The following DCAF6 variants were observed in gnomAD, a reference collection of about 807,000 sequenced individuals.
DCAF6 encodes the protein DDB1 and CUL4 associated factor 6, also known as DDB1- and CUL4-associated factor 6.
In DCAF6, 54 loss-of-function variants were observed where a neutral mutation model predicts 125.1. The ratio of observed to expected loss-of-function variants is 0.43; its 90% confidence interval spans 0.35 to 0.54. The LOEUF (loss-of-function observed/expected upper bound fraction) is 0.54. Ranked by LOEUF, DCAF6 falls within the 20% of genes least tolerant of loss-of-function variation. The pLI, the probability that DCAF6 is intolerant of heterozygous loss-of-function variation, is 0.01. For missense variants in DCAF6, 934 were observed against 1,161.7 expected (o/e 0.80, Z 2.85); for synonymous variants, 371 against 390.4 (o/e 0.95, Z 0.58).
chr1:167,916,396 G>A, the DCAF6 span, among the ~76,000 whole-genome samples: 11,228 of 152,108 alleles, frequency 0.074, 536 homozygotes, highest in Middle Eastern at 0.11. Context: ...TAGTAGAGAC[G>A]GGGTTTTACC....
chr1:167,969,551 A>T (rs1676979267), intron 3 of DCAF6, among the ~76,000 whole-genome samples: 1 of 152,228 alleles, frequency 6.6e-6, no homozygotes, highest in South Asian at 2.1e-4. Context: ...AGTTTTACAG[A>T]ATAAATTGTT....
chr1:167,983,641 T>C (rs1679524858), intron 4 of DCAF6, among the ~76,000 whole-genome samples: 1 of 152,368 alleles, frequency 6.6e-6, no homozygotes, highest in South Asian at 2.1e-4. Context: ...TTCTTTGGCA[T>C]GTGCACATTC....
chr1:167,975,405 G>T (rs12059592), intron 4 of DCAF6, among the ~76,000 whole-genome samples: 21,142 of 152,068 alleles, frequency 0.14, 1,957 homozygotes, highest in African/African-American at 0.26. Context: ...AATTTTTGTA[G>T]GATAGAAGGG....
the DCAF6 span, among the ~76,000 whole-genome samples, chr1:167,869,099 A>G: frequency 1.3e-5 from 2 of 152,266 alleles, no homozygotes; most frequent in East Asian, 3.8e-4. Flanking sequence ...AGTTAAAAAC[A>G]TGACAAAACT....
chr1:167,964,241 A>G lies in DCAF6; in HGVS notation c.160-2388A>G, dbSNP rs1004732198. On this transcript the variant is annotated intron_variant, in intron 2 of 21. Coordinates refer to ENST00000367840, the MANE Select transcript of DCAF6 (RefSeq NM_001198956.2). Reference sequence around the variant, plus strand: ...TTCTTGCAAAGTAGGTCTGCTGGCAACAAATTCCCTCAATGTTAATTTATC... The same window carrying G: ...TTCTTGCAAAGTAGGTCTGCTGGCAGCAAATTCCCTCAATGTTAATTTATC... 4.6e-5 allele frequency among the ~76,000 whole-genome samples: 7 copies of G among 152,308 alleles called. No individual in the cohort carries two copies. In the East Asian group the frequency reaches 5.8e-4, roughly 13 times the overall value.
the DCAF6 span, among the ~76,000 whole-genome samples, chr1:167,871,718 G>A: frequency 2.0e-5 from 3 of 152,324 alleles, no homozygotes; most frequent in Non-Finnish European, 4.4e-5. Context: ...TTCAAGTGTA[G>A]ACATTTAATA....
intron 10 of DCAF6, among the ~76,000 whole-genome samples, chr1:168,013,656 TC>T (rs1684586168): frequency 6.6e-6 from 1 of 152,152 alleles, no homozygotes; most frequent in African/African-American, 2.4e-5. Flanking sequence ...TTTTTAAGCA[TC>T]ATCTTTCTCT....
At chr1:167,980,783 T>C (rs1291238016) in intron 4 of DCAF6, among the ~76,000 whole-genome samples, 2 of 152,174 alleles carry the variant, frequency 1.3e-5, no homozygotes, top group Non-Finnish European at 2.9e-5. Context: ...ACCCGTTCCA[T>C]GGATTGTCTT....
At chr1:167,873,501 G>A in the DCAF6 span, among the ~76,000 whole-genome samples, 3 of 152,114 alleles carry the variant, frequency 2.0e-5, no homozygotes, top group South Asian at 6.2e-4. Flanking sequence ...AAGACTTTTG[G>A]GGATGTTCGT....
chr1:167,999,412 T>C (rs1344427788), intron 7 of DCAF6, among the ~76,000 whole-genome samples: 1 of 152,192 alleles, frequency 6.6e-6, no homozygotes, highest in Non-Finnish European at 1.5e-5. Context: ...AGAACCAGCA[T>C]GTCCTTCGAA....
chr1:167,908,396 G>A, the DCAF6 span, among the ~76,000 whole-genome samples: 2 of 152,142 alleles, frequency 1.3e-5, no homozygotes, highest in South Asian at 4.1e-4. Flanking sequence ...GCCTGAGGCT[G>A]GGGTTGGGTG....
intron 2 of DCAF6, 131 bp from the exon 3 acceptor site, chr1:167,966,498 C>A: frequency 3.1e-6 from 2 of 651,020 alleles, no homozygotes; most frequent in Non-Finnish European, 2.8e-6. Flanking sequence ...AGATTGGACA[C>A]CCCTATGTTA....
At chr1:167,975,379 G>T (rs1322334411) in intron 4 of DCAF6, among the ~76,000 whole-genome samples, 2 of 152,164 alleles carry the variant, frequency 1.3e-5, no homozygotes, top group Non-Finnish European at 2.9e-5. Flanking sequence ...TAAAGTCATA[G>T]CCAACATGCT....
At chr1:167,909,605 T>C in the DCAF6 span, among the ~76,000 whole-genome samples, 1 of 152,192 alleles carries the variant, frequency 6.6e-6, no homozygotes, top group African/African-American at 2.4e-5. Flanking sequence ...TATTATTTTA[T>C]GTGTGGCCCA....
At chr1:168,030,022 A>G (rs1686863301) in intron 12 of DCAF6, among the ~76,000 whole-genome samples, 1 of 152,066 alleles carries the variant, frequency 6.6e-6, no homozygotes, top group Non-Finnish European at 1.5e-5. Context: ...GGTTGCACAC[A>G]GCTAGTAAGC....
chr1:168,038,338 G>A (rs1355816254), intron 12 of DCAF6, 33 bp from the exon 13 acceptor site: 42 of 1,498,068 alleles, frequency 2.8e-5, no homozygotes, highest in Non-Finnish European at 3.9e-5. Context: ...TGGTTTCAGA[G>A]ACTTTTTCAA....
chr1:167,866,113 G>A, the DCAF6 span, among the ~76,000 whole-genome samples: 1 of 152,170 alleles, frequency 6.6e-6, no homozygotes, highest in Non-Finnish European at 1.5e-5. Context: ...ATCCCCAAGC[G>A]GATGTGTGGT....
the DCAF6 span, among the ~76,000 whole-genome samples, chr1:167,883,957 A>G: frequency 6.6e-6 from 1 of 152,152 alleles, no homozygotes; most frequent in Non-Finnish European, 1.5e-5. Flanking sequence ...AAAAAATTTA[A>G]AATTTTTTAA....
chr1:168,060,737 C>G (rs964774535), intron 17 of DCAF6, among the ~76,000 whole-genome samples: 1 of 152,036 alleles, frequency 6.6e-6, no homozygotes, highest in Non-Finnish European at 1.5e-5. Context: ...ACTAAAAATA[C>G]AAAAATTAGC....
Sources: allele counts gnomAD v4.1 joint callset (sites outside exome capture counted in the v4.1 genomes callset), GRCh38; gene constraint gnomAD v4.1.1; transcripts MANE v1.5; gene names NCBI Gene and HGNC (gene_info 2026-07-23, HGNC 2026-07-21).